The following CLASP2 variants were observed in gnomAD, a reference collection of about 807,000 sequenced individuals.
CLASP2 encodes the protein cytoplasmic linker associated protein 2.
A neutral mutation model predicts 194.4 loss-of-function variants in CLASP2; 47 were observed. That is an observed-to-expected ratio of 0.24 (90% CI 0.19 to 0.31). CLASP2 has a LOEUF of 0.31. CLASP2 is among the 10% of genes least tolerant of loss of function. The probability of loss-of-function intolerance (pLI) is 1.00; values close to 1 mark genes in which losing one functional copy is unlikely to be tolerated. For missense variants in CLASP2, 1,445 were observed against 1,823.6 expected (o/e 0.79, Z 3.78); for synonymous variants, 619 against 633.5 (o/e 0.98, Z 0.34).
chr3:33,542,475 A>G (rs1237105777), intron 32 of CLASP2, among the ~76,000 whole-genome samples: 1 of 149,310 alleles, frequency 6.7e-6, no homozygotes, highest in East Asian at 1.9e-4. Context: ...TATAATAAAT[A>G]TAAAAACAGG....
intron 36 of CLASP2, among the ~76,000 whole-genome samples, chr3:33,511,699 A>T (rs2049860524): frequency 7.4e-6 from 1 of 135,732 alleles, no homozygotes; most frequent in African/African-American, 2.7e-5. Context: ...GATAGTCTTA[A>T]GAACACGTAA....
At chr3:33,669,786 T>C (rs971209239) in intron 6 of CLASP2, among the ~76,000 whole-genome samples, 14 of 152,108 alleles carry the variant, frequency 9.2e-5, no homozygotes, top group South Asian at 2.1e-4. Context: ...GGTGAATATG[T>C]AGAATAATGG....
intron 11 of CLASP2, 40 bp from the exon 12 acceptor site, chr3:33,619,778 A>G (rs987560326): frequency 6.8e-7 from 1 of 1,479,162 alleles, no homozygotes; most frequent in African/African-American, 1.4e-5. Context: ...ATAGTTTAAC[A>G]TTAAATATAG....
chr3:33,640,144 C>G (rs551238588), intron 8 of CLASP2, among the ~76,000 whole-genome samples: 6 of 152,186 alleles, frequency 3.9e-5, no homozygotes, highest in African/African-American at 1.4e-4. Context: ...TCACAGAAAG[C>G]TGAAAAACAA....
chr3:33,496,784 ATG>A lies in CLASP2; in HGVS notation c.*1845_*1846del, dbSNP rs2045840983. On this transcript the variant is annotated 3_prime_UTR_variant, in exon 39 of 39. Transcript: ENST00000682230. Reference sequence around the variant, plus strand: ...GCTACTGAGAAGAGTTGTGTTTAAAATGCATTTTCTTCTTACAGATAAGCTGT... The same window carrying A: ...GCTACTGAGAAGAGTTGTGTTTAAAACATTTTCTTCTTACAGATAAGCTGT... The A allele has an allele frequency of 6.6e-6, 1 of 152,216 alleles. No individual in the cohort carries two copies. The highest frequency in any genetic ancestry group is 1.5e-5 in the Non-Finnish European group (1 of 68,010). 9.4% of individuals were successfully genotyped at this position (152,216 alleles called of 1,614,324 possible).
At chr3:33,507,928 C>T (rs1240436555) in intron 37 of CLASP2, among the ~76,000 whole-genome samples, 1 of 151,408 alleles carries the variant, frequency 6.6e-6, no homozygotes, top group Non-Finnish European at 1.5e-5. Flanking sequence ...AAAATCACTT[C>T]ATATATCCAT....
At position 33,531,641 on chromosome 3, in the gene CLASP2, G is replaced by A. The variant is rs556992323; in HGVS notation, c.3787+3592C>T. Among the ~76,000 whole-genome samples the A allele has an allele frequency of 3.9e-5, 6 of 152,216 alleles. 1 individual carries two copies. Among genetic ancestry groups the A allele is most frequent in the Middle Eastern group, 6.8e-3 (2 of 294 alleles). ...AATACAAAAATTAGCCAGGCATGGC[G>A]GTGCACACCTGTAATCCCAGCTACT... On this transcript the variant is annotated intron_variant, in intron 34 of 38. Transcript: ENST00000682230.
chr3:33,608,586 G>A lies in CLASP2; in HGVS notation c.1429C>T (p.Gln477Ter). 1 of 1,611,270 alleles carries A rather than the reference G, an allele frequency of 6.2e-7. No individual in the cohort carries two copies. Among genetic ancestry groups the A allele is most frequent in the Admixed American group, 1.7e-5 (1 of 59,618 alleles). The change falls in exon 14 of 39, where the codon CAG becomes TAG. Residue 477 changes from glutamine to a stop codon, truncating the protein, a stop_gained. Transcript: ENST00000682230. LOFTEE classifies it high-confidence loss of function. ...EFLDLLLQEW[Q>*]THSLERHAAV... ...GCATACCTTTCCAATGAATGAGTCT[G>A]CCACTCTTGCAACAATAAATCTAAA...
At chr3:33,584,221 A>C (rs1356520036) in intron 22 of CLASP2, among the ~76,000 whole-genome samples, 1 of 151,878 alleles carries the variant, frequency 6.6e-6, no homozygotes, top group African/African-American at 2.4e-5. Context: ...TTTTCCTTTA[A>C]AGTACTAGCT....
intron 29 of CLASP2, among the ~76,000 whole-genome samples, chr3:33,556,888 A>C (rs932780592): frequency 6.6e-6 from 1 of 152,152 alleles, no homozygotes; most frequent in African/African-American, 2.4e-5. Flanking sequence ...TAATTTGTGC[A>C]TATCTCATTT....
At chr3:33,525,356 G>A (rs114746564) in intron 34 of CLASP2, among the ~76,000 whole-genome samples, 2,035 of 152,178 alleles carry the variant, frequency 0.013, 49 homozygotes, top group African/African-American at 0.047. Context: ...AGTGTACATG[G>A]CTCTCACAGA....
intron 12 of CLASP2, among the ~76,000 whole-genome samples, chr3:33,616,441 G>A (rs1266799200): frequency 1.3e-5 from 2 of 151,890 alleles, no homozygotes; most frequent in African/African-American, 4.8e-5. Flanking sequence ...TTAGCCAACC[G>A]AATCTAGCAG....
At chr3:33,604,426 T>C (rs1374276057) in intron 16 of CLASP2, among the ~76,000 whole-genome samples, 4 of 151,500 alleles carry the variant, frequency 2.6e-5, no homozygotes, top group Admixed American at 2.6e-4. Flanking sequence ...CAAGTGATCA[T>C]CCCACCTCAA....
intron 6 of CLASP2, among the ~76,000 whole-genome samples, chr3:33,668,739 T>C (rs553565543): frequency 1.3e-5 from 2 of 152,274 alleles, no homozygotes; most frequent in South Asian, 2.1e-4. Context: ...CACTGCCTAC[T>C]ACCTGCTAAA....
chr3:33,696,009 G>A (rs577829260), intron 2 of CLASP2, among the ~76,000 whole-genome samples: 1 of 152,146 alleles, frequency 6.6e-6, no homozygotes, highest in Admixed American at 6.5e-5. Context: ...CACACTGTAA[G>A]TAAGTGCTAT....
In CLASP2 at chr3:33,576,231, C is replaced by T; in HGVS notation, c.2392G>A (p.Val798Ile). ...GTGTTCAGGACTCGCATGGCACTAA[C>T]AGAAGACGACAGTCGACTTGATTGG... The part of the protein sequence containing the change: ...ISQSSRLSSS[V>I]SAMRVLNTGS... Residue 798 changes from valine (V) to isoleucine (I), a missense_variant, in exon 24 of 39, where the codon GTT becomes ATT. This residue lies in a region of CLASP2 where 732 missense variants were observed against 987.9 expected (regional missense o/e 0.74). Transcript: ENST00000682230. 1 of 1,613,858 alleles carries T rather than the reference C, an allele frequency of 6.2e-7. No homozygotes were observed. The highest frequency in any genetic ancestry group is 1.3e-5 in the African/African-American group (1 of 75,026).
chr3:33,605,378 A>G (rs1392328860), intron 16 of CLASP2, among the ~76,000 whole-genome samples: 1 of 152,236 alleles, frequency 6.6e-6, no homozygotes, highest in Non-Finnish European at 1.5e-5. Flanking sequence ...AATTTAAATA[A>G]AAGTTTAGAT....
At chr3:33,621,194 T>C (rs1004500541) in intron 11 of CLASP2, among the ~76,000 whole-genome samples, 1 of 152,154 alleles carries the variant, frequency 6.6e-6, no homozygotes, top group Non-Finnish European at 1.5e-5. Context: ...ACAAAATTCA[T>C]ACTGTTCAAC....
intron 7 of CLASP2, among the ~76,000 whole-genome samples, chr3:33,660,317 TA>T (rs1336097123): frequency 6.6e-6 from 1 of 152,216 alleles, no homozygotes; most frequent in Non-Finnish European, 1.5e-5. Flanking sequence ...TGACAGATTT[TA>T]AATCCAGTTT....
Sources: gnomAD v4.1 joint callset for allele counts (sites outside exome capture counted in the v4.1 genomes callset) on GRCh38, gnomAD v4.1.1 for gene constraint, gnomAD v4.1.1 regional missense constraint, MANE v1.5 for transcripts, NCBI Gene and HGNC (gene_info 2026-07-23, HGNC 2026-07-21) for gene names.